SUGCT: variants seen among roughly 807,000 people sequenced by gnomAD.
SUGCT encodes succinyl-CoA:glutarate-CoA transferase, also known as succinyl-CoA:glutarate CoA-transferase.
Under a neutral mutation model 55.0 loss-of-function variants are expected in SUGCT, and 41 were observed. The observed-to-expected ratio is 0.74, with a 90% confidence interval of 0.58 to 0.97. The LOEUF is 0.97. SUGCT is among the 50% of genes least tolerant of loss of function. The pLI is 0.00. For synonymous variants in SUGCT, 187 were observed against 200.4 expected (o/e 0.93, Z 0.56); for missense variants, 568 against 547.8 (o/e 1.04, Z -0.37).
chr7:40,426,835 A>ACC (rs1454207426), intron 9 of SUGCT, among the ~76,000 whole-genome samples: 4 of 151,808 alleles, frequency 2.6e-5, no homozygotes, highest in Non-Finnish European at 4.4e-5. Context: ...TTTTTAAGAG[A>ACC]TAGGGTCTTG....
the SUGCT span, among the ~76,000 whole-genome samples, chr7:40,930,549 A>G: frequency 6.6e-6 from 1 of 152,180 alleles, no homozygotes; most frequent in South Asian, 2.1e-4. Flanking sequence ...CTTCCTATCC[A>G]TGAGCATGGA....
chr7:40,852,671 C>T (rs984234384), intron 13 of SUGCT, among the ~76,000 whole-genome samples: 2 of 151,286 alleles, frequency 1.3e-5, no homozygotes, highest in Admixed American at 1.3e-4. Flanking sequence ...TTCTTTCCCC[C>T]ACTGTTCGTA....
At chr7:40,231,345 G>C (rs4723935) in intron 6 of SUGCT, among the ~76,000 whole-genome samples, 63,819 of 152,002 alleles carry the variant, frequency 0.42, 13,550 homozygotes, top group East Asian at 0.48. Flanking sequence ...ATATTGCAGA[G>C]AACAGTCACC....
chr7:40,512,621 G>T (rs1186869323), intron 12 of SUGCT, among the ~76,000 whole-genome samples: 2 of 152,100 alleles, frequency 1.3e-5, no homozygotes, highest in Non-Finnish European at 2.9e-5. Context: ...GAGTGAGATA[G>T]TACATGCATA....
At chr7:40,463,847 T>G (rs1789950549) in intron 11 of SUGCT, among the ~76,000 whole-genome samples, 3 of 152,208 alleles carry the variant, frequency 2.0e-5, no homozygotes, top group African/African-American at 2.4e-5. Context: ...CATTGAAAAC[T>G]AGGTAAAACT....
At chr7:40,488,197 A>G (rs532009382) in intron 11 of SUGCT, among the ~76,000 whole-genome samples, 1 of 150,624 alleles carries the variant, frequency 6.6e-6, no homozygotes, top group South Asian at 2.1e-4. Flanking sequence ...AGTATGTTTT[A>G]ATTTCTTGTT....
intron 9 of SUGCT, among the ~76,000 whole-genome samples, chr7:40,421,865 C>T (rs920296298): frequency 6.6e-6 from 1 of 152,154 alleles, no homozygotes; most frequent in Admixed American, 6.5e-5. Flanking sequence ...AGCTGTGGTT[C>T]ATCCACTGCA....
At chr7:40,588,779 C>T (rs1232956484) in intron 12 of SUGCT, among the ~76,000 whole-genome samples, 1 of 152,142 alleles carries the variant, frequency 6.6e-6, no homozygotes, top group Non-Finnish European at 1.5e-5. Flanking sequence ...TGAATTTCAT[C>T]TACTATTGTG....
At chr7:40,949,053 T>C in the SUGCT span, among the ~76,000 whole-genome samples, 1 of 152,220 alleles carries the variant, frequency 6.6e-6, no homozygotes, top group Non-Finnish European at 1.5e-5. Flanking sequence ...ATGGTTGAAG[T>C]AGTTTACAGT....
At chr7:40,545,523 A>G (rs1794941345) in intron 12 of SUGCT, among the ~76,000 whole-genome samples, 1 of 152,210 alleles carries the variant, frequency 6.6e-6, no homozygotes, top group African/African-American at 2.4e-5. Flanking sequence ...GCCAAGACCA[A>G]TAAAATATGA....
intron 9 of SUGCT, among the ~76,000 whole-genome samples, chr7:40,405,328 C>T (rs766497344): frequency 2.6e-5 from 4 of 152,130 alleles, no homozygotes; most frequent in Non-Finnish European, 5.9e-5. Context: ...ATATAAATAT[C>T]GACCACAGTT....
chr7:40,378,234 G>A (rs1321992016), intron 9 of SUGCT, among the ~76,000 whole-genome samples: 2 of 150,736 alleles, frequency 1.3e-5, no homozygotes, highest in African/African-American at 4.9e-5. Flanking sequence ...TTTTTTTTGG[G>A]ACTCCTGTTG....
intron 11 of SUGCT, among the ~76,000 whole-genome samples, chr7:40,460,907 C>T (rs937968972): frequency 2.0e-5 from 3 of 152,112 alleles, no homozygotes; most frequent in African/African-American, 7.2e-5. Context: ...ACGGGGCAGG[C>T]GTGGGTAGTC....
At chr7:40,955,610 T>C in the SUGCT span, among the ~76,000 whole-genome samples, 2 of 152,204 alleles carry the variant, frequency 1.3e-5, no homozygotes, top group Non-Finnish European at 2.9e-5. Flanking sequence ...CTCTTCCTAT[T>C]TGAATCCCCT....
the SUGCT span, among the ~76,000 whole-genome samples, chr7:40,904,355 A>G: frequency 3.2e-3 from 492 of 152,336 alleles, 1 homozygote; most frequent in African/African-American, 0.011. Flanking sequence ...ATTTTACACC[A>G]TGAGGTCTTT....
intron 9 of SUGCT, among the ~76,000 whole-genome samples, chr7:40,381,208 A>C (rs2151281810): frequency 6.6e-6 from 1 of 152,078 alleles, no homozygotes; most frequent in East Asian, 1.9e-4. Context: ...TATTCCCCTG[A>C]ATATGGCTGG....
In SUGCT at chr7:40,313,678, G is replaced by A. The variant is rs962538306; in HGVS notation, c.721-3082G>A. 2.0e-5 allele frequency among the ~76,000 whole-genome samples: 3 copies of A among 151,544 alleles called. No individual in the cohort carries two copies. In the East Asian group the frequency reaches 5.8e-4, roughly 29 times the overall value. Reference sequence around the variant, plus strand: ...TTTTTGAGACTCTGTTGCTGAGGCTGGAGCGCTGTGGCGTGATCACCGCTA... The same window carrying A: ...TTTTTGAGACTCTGTTGCTGAGGCTAGAGCGCTGTGGCGTGATCACCGCTA... On this transcript the variant is annotated intron_variant, in intron 8 of 13. Transcript: ENST00000335693.
chr7:40,944,005 T>C, the SUGCT span, among the ~76,000 whole-genome samples: 1 of 151,254 alleles, frequency 6.6e-6, no homozygotes. Flanking sequence ...CATTGTGGTT[T>C]TGATTTGCAT....
chr7:41,018,574 G>A, the SUGCT span, among the ~76,000 whole-genome samples: 2 of 152,100 alleles, frequency 1.3e-5, no homozygotes, highest in Non-Finnish European at 2.9e-5. Context: ...ACTGAGTTGC[G>A]ACTGTGTTTG....
Sources: gnomAD v4.1 joint callset for allele counts (sites outside exome capture counted in the v4.1 genomes callset) on GRCh38, gnomAD v4.1.1 for gene constraint, MANE v1.5 for transcripts, NCBI Gene and HGNC (gene_info 2026-07-23, HGNC 2026-07-21) for gene names.